The following RABEP1 variants were observed in gnomAD, a reference collection of about 807,000 sequenced individuals.
The protein encoded by RABEP1 is rabaptin, RAB GTPase binding effector protein 1.
RABEP1 carries 51 observed loss-of-function variants against 123.4 expected under a neutral mutation model. The ratio of observed to expected loss-of-function variants is 0.41; its 90% CI spans 0.33 to 0.52. The LOEUF is 0.52. Ranked by LOEUF, RABEP1 falls within the 20% of genes least tolerant of loss-of-function variation. The probability of loss-of-function intolerance (pLI) is 0.16; values close to 1 mark genes in which losing one functional copy is unlikely to be tolerated. For synonymous variants in RABEP1, 347 were observed against 355.2 expected, an observed-to-expected ratio of 0.98 and a Z score of 0.26; for missense variants, 888 against 996.3, an observed-to-expected ratio of 0.89 and a Z score of 1.46.
At chr17:5,368,089 T>C (rs952664054) in intron 11 of RABEP1, among the ~76,000 whole-genome samples, 4 of 152,120 alleles carry the variant, frequency 2.6e-5, no homozygotes, top group African/African-American at 9.7e-5. Flanking sequence ...TAAACATAGC[T>C]ACAACTAGGT....
At chr17:5,354,080 G>A (rs944867194) in intron 7 of RABEP1, among the ~76,000 whole-genome samples, 3 of 151,604 alleles carry the variant, frequency 2.0e-5, no homozygotes, top group Non-Finnish European at 3.0e-5. Context: ...AGGCGGTTTT[G>A]CTTTCTTTTA....
chr17:5,319,301 C>T (rs2075328523), intron 2 of RABEP1, among the ~76,000 whole-genome samples: 2 of 144,468 alleles, frequency 1.4e-5, no homozygotes, highest in South Asian at 4.5e-4. Flanking sequence ...TGCACTCCAG[C>T]CTGGTGACAG....
chr17:5,361,744 C>T (rs1226175060), intron 9 of RABEP1, 69 bp downstream of exon 9: 4 of 1,341,404 alleles, frequency 3.0e-6, no homozygotes, highest in East Asian at 2.4e-5. Context: ...TGGGATTTAG[C>T]GTTCATTCAA....
At chr17:5,353,556 A>T (rs1418213098) in intron 7 of RABEP1, among the ~76,000 whole-genome samples, 1 of 152,180 alleles carries the variant, frequency 6.6e-6, no homozygotes, top group African/African-American at 2.4e-5. Context: ...ACATTATAAA[A>T]ACTTTTTTGG....
intron 1 of RABEP1, among the ~76,000 whole-genome samples, chr17:5,295,417 G>A (rs890760380): frequency 5.6e-4 from 85 of 151,654 alleles, no homozygotes; most frequent in Admixed American, 9.9e-4. Context: ...ATTTTTAATG[G>A]TATGTAACAA....
chr17:5,299,721 T>TTC (rs2075117150), intron 1 of RABEP1, among the ~76,000 whole-genome samples: 1 of 98,018 alleles, frequency 1.0e-5, no homozygotes, highest in Non-Finnish European at 2.0e-5. Flanking sequence ...TTTCTTTTCT[T>TTC]TTTCTTTTTC....
chr17:5,317,671 A>G (rs954665494), intron 2 of RABEP1, among the ~76,000 whole-genome samples: 77 of 151,016 alleles, frequency 5.1e-4, no homozygotes, highest in African/African-American at 1.7e-3. Context: ...TTGCTGGCAT[A>G]TAACTTTTAA....
At chr17:5,359,923 T>C (rs557863281) in intron 8 of RABEP1, among the ~76,000 whole-genome samples, 1 of 152,360 alleles carries the variant, frequency 6.6e-6, no homozygotes, top group Non-Finnish European at 1.5e-5. Context: ...ACTGGTTTGC[T>C]TTTTGCCTTC....
At chr17:5,325,110 C>G (rs549967969) in intron 2 of RABEP1, among the ~76,000 whole-genome samples, 3 of 151,856 alleles carry the variant, frequency 2.0e-5, no homozygotes, top group Non-Finnish European at 1.5e-5. Flanking sequence ...CTCAGGAGTT[C>G]GAGACCAGCC....
At position 5,383,171 on chromosome 17, in the gene RABEP1, C is replaced by T; in HGVS notation, c.2537C>T (p.Ala846Val). ...RQADSLERIR[A>V]ILNDTKLTDI... Reference sequence around the variant, plus strand: ...GCTGACTCCTTGGAGAGAATCCGGGCAATTCTGAATGATACTAAACTGACA... The same window carrying T: ...GCTGACTCCTTGGAGAGAATCCGGGTAATTCTGAATGATACTAAACTGACA... The change falls in exon 18 of 18, where the codon GCA becomes GTA. Residue 846 changes from alanine (A) to valine (V), a missense_variant. Transcript: ENST00000537505. 1 of 1,614,086 alleles carries T rather than the reference C, an allele frequency of 6.2e-7. No individual in the cohort carries two copies. The highest frequency in any genetic ancestry group is 8.5e-7 in the Non-Finnish European group (1 of 1,180,016).
At chr17:5,308,661 T>C (rs1258181172) in intron 1 of RABEP1, 33 bp from the exon 2 acceptor site, 2 of 1,586,448 alleles carry the variant, frequency 1.3e-6, no homozygotes, top group Non-Finnish European at 1.7e-6. Context: ...GAATAAAAGT[T>C]ATTACTTGTT....
intron 4 of RABEP1, chr17:5,336,414 CTTA>C (rs1567530508): frequency 2.2e-6 from 1 of 457,808 alleles, no homozygotes; most frequent in Non-Finnish European, 4.3e-6. Flanking sequence ...TCAATTTATT[CTTA>C]TTAACTGAAG....
chr17:5,334,205 T>C (rs1258447890), intron 3 of RABEP1, among the ~76,000 whole-genome samples: 2 of 151,726 alleles, frequency 1.3e-5, no homozygotes, highest in East Asian at 1.9e-4. Context: ...CAAATAATCT[T>C]TTCTTTTTTT....
At chr17:5,347,728 C>T (rs989571163) in intron 6 of RABEP1, among the ~76,000 whole-genome samples, 4 of 152,138 alleles carry the variant, frequency 2.6e-5, no homozygotes, top group East Asian at 3.9e-4. Flanking sequence ...ATAACCCAAA[C>T]TTTGAGTGAA....
chr17:5,331,341 C>A (rs1233304476), intron 2 of RABEP1, among the ~76,000 whole-genome samples: 1 of 152,100 alleles, frequency 6.6e-6, no homozygotes, highest in Non-Finnish European at 1.5e-5. Flanking sequence ...TATGGGAAAA[C>A]AATCACACAT....
chr17:5,346,894 T>C lies in RABEP1; in HGVS notation c.753T>C (p.Asp251=). 1 of 1,605,708 alleles carries C rather than the reference T, an allele frequency of 6.2e-7. No homozygotes were observed. The highest frequency in any genetic ancestry group is 1.1e-5 in the South Asian group (1 of 89,710). ...LNTQKSVLQE[D]AEKLRKELHE... Reference sequence around the variant, plus strand: ...CTCAGAAATCTGTTCTACAGGAAGATGCTGAGAAACTGCGGAAAGAATTGC... The same window carrying C: ...CTCAGAAATCTGTTCTACAGGAAGACGCTGAGAAACTGCGGAAAGAATTGC... The change falls in exon 6 of 18, where the codon GAT becomes GAC. Residue 251 remains aspartate, a synonymous_variant. Coordinates refer to ENST00000537505, the MANE Select transcript of RABEP1 (RefSeq NM_004703.6).
In RABEP1 at chr17:5,282,470, A is replaced by G; in HGVS notation, c.-17A>G. On this transcript the variant is annotated 5_prime_UTR_variant, in exon 1 of 18. Coordinates refer to ENST00000537505, the MANE Select transcript of RABEP1 (RefSeq NM_004703.6). Reference sequence around the variant, plus strand: ...CTTCCCCGCCCATCCCCGCTCCCCGAGGCCGGCCGCCTGGTCATGGCGCAG... The same window carrying G: ...CTTCCCCGCCCATCCCCGCTCCCCGGGGCCGGCCGCCTGGTCATGGCGCAG... The G allele has an allele frequency of 7.4e-7, 1 of 1,343,668 alleles. No homozygotes were observed. The highest frequency in any genetic ancestry group is 9.6e-7 in the Non-Finnish European group (1 of 1,041,140). 83.2% of individuals were successfully genotyped at this position (1,343,668 alleles called of 1,614,324 possible).
intron 12 of RABEP1, among the ~76,000 whole-genome samples, chr17:5,370,694 A>G (rs1910458159): frequency 6.6e-6 from 1 of 152,208 alleles, no homozygotes; most frequent in South Asian, 2.1e-4. Flanking sequence ...TTCATAACAT[A>G]ATGAGGCACG....
chr17:5,351,242 T>C (rs553518629), intron 7 of RABEP1, among the ~76,000 whole-genome samples: 1 of 152,248 alleles, frequency 6.6e-6, no homozygotes, highest in East Asian at 1.9e-4. Context: ...GTTCCTGTTT[T>C]CTCCTTATCT....
Sources: gnomAD v4.1 joint callset for allele counts (sites outside exome capture counted in the v4.1 genomes callset) on GRCh38, gnomAD v4.1.1 for gene constraint, MANE v1.5 for transcripts, NCBI Gene and HGNC (gene_info 2026-07-23, HGNC 2026-07-21) for gene names.